The following FHDC1 variants were observed in gnomAD, a reference collection of about 807,000 sequenced individuals.
FHDC1 encodes the protein FH2 domain-containing protein 1.
FHDC1 carries 25 observed loss-of-function variants against 52.6 expected under a neutral mutation model. That is an observed-to-expected ratio of 0.48 (90% CI 0.35 to 0.66). The LOEUF is 0.66. FHDC1 is among the 30% of genes least tolerant of loss of function. The pLI, the probability that FHDC1 is intolerant of heterozygous loss-of-function variation, is 0.01. For synonymous variants in FHDC1, 616 were observed against 581.5 expected (o/e 1.06, Z -0.85); for missense variants, 1,459 against 1,452.8 (o/e 1.00, Z -0.07).
chr4:152,943,342 G>T lies in FHDC1; in HGVS notation c.285G>T (p.Lys95Asn). The T allele has an allele frequency of 6.7e-7, 1 of 1,492,644 alleles. No individual in the cohort carries two copies. Among genetic ancestry groups the T allele is most frequent in the Non-Finnish European group, 9.0e-7 (1 of 1,109,648 alleles). The allele number at this position is 1,492,644 out of a possible 1,614,324, so 92.5% of individuals were successfully genotyped here. The stretch of plus-strand genomic sequence containing the variant: ...GCTACAGCCACCTTGGTAAGAAAAA[G>T]CGGATGAGAAGCTTTTTTTGGAAAA... ...MNGYSHLGKK[K>N]RMRSFFWKTI... The change falls in exon 2 of 12, where the codon AAG becomes AAT. Residue 95 changes from lysine (K) to asparagine (N), a missense_variant. Lys to Asn is a moderately conservative substitution (Grantham distance 94). Coordinates refer to ENST00000511601, the MANE Select transcript of FHDC1 (RefSeq NM_001371116.1).
intron 2 of FHDC1, among the ~76,000 whole-genome samples, chr4:152,944,674 A>C (rs913285743): frequency 6.6e-6 from 1 of 152,144 alleles, no homozygotes; most frequent in Non-Finnish European, 1.5e-5. Flanking sequence ...AATAGCCAAG[A>C]GTCTGTTTTT....
upstream of FHDC1, among the ~76,000 whole-genome samples, chr4:152,931,699 T>A (rs533206361): frequency 2.0e-5 from 3 of 152,272 alleles, no homozygotes; most frequent in Admixed American, 6.5e-5. Flanking sequence ...AAGGCAAATG[T>A]CATTGATGCT....
upstream of FHDC1, among the ~76,000 whole-genome samples, chr4:152,933,729 C>CAAAAAAAAA (rs70949623): frequency 1.6e-5 from 1 of 60,806 alleles, no homozygotes. Context: ...GACCCCGTCT[C>CAAAAAAAAA]AAAAAAAAAA....
chr4:152,930,583 G>A, the FHDC1 span, among the ~76,000 whole-genome samples: 6 of 152,192 alleles, frequency 3.9e-5, no homozygotes, highest in African/African-American at 1.2e-4. Context: ...ATGATGCTAA[G>A]TGTTTGACAG....
rs1298032001 is a variant in FHDC1 at position 152,976,125 on chromosome 4, TGCGGAGGGCCTCCACAG to T, written c.2838_2854del (p.Ala948ArgfsTer45). On this transcript the variant is annotated frameshift_variant, in exon 12 of 12. Transcript: ENST00000511601. LOFTEE classifies it low-confidence loss of function (END_TRUNC). ...ACTGTGTGGTCACGCCAGAACTCCGTGCGGAGGGCCTCCACAGGCGCCGAAGAGCAGAGGCTGCCGCG... is the reference window on the plus strand; with the variant it reads ...ACTGTGTGGTCACGCCAGAACTCCGTGCGCCGAAGAGCAGAGGCTGCCGCG... The T allele has an allele frequency of 1.2e-6, 2 of 1,611,192 alleles. No individual in the cohort carries two copies. The highest frequency in any genetic ancestry group is 1.7e-6 in the Non-Finnish European group (2 of 1,179,158).
chr4:152,936,395 GC>G lies in FHDC1; in HGVS notation c.-144del. 6.6e-6 allele frequency: 1 copy of G among 152,320 alleles called. No homozygotes were observed. Among genetic ancestry groups the G allele is most frequent in the Middle Eastern group, 3.4e-3 (1 of 292 alleles). The allele number at this position is 152,320 out of a possible 1,614,324, so 9.4% of individuals were successfully genotyped here. A position where few individuals can be genotyped will look rare whatever the true frequency, so the allele number is the denominator to read the frequency against. ...AGCGGTCTGCGCGCCGGGAGCGGGG[GC>G]GCGCTGGCCGCGGGTGAGTGCGGGT... On this transcript the variant is annotated 5_prime_UTR_variant, in exon 1 of 12. Coordinates refer to ENST00000511601, the MANE Select transcript of FHDC1 (RefSeq NM_001371116.1).
upstream of FHDC1, among the ~76,000 whole-genome samples, chr4:152,932,480 T>C (rs1313717381): frequency 6.6e-6 from 1 of 152,154 alleles, no homozygotes; most frequent in African/African-American, 2.4e-5. Context: ...CAGTAACAAT[T>C]CTGCTGATTT....
At chr4:152,965,012 C>A (rs778969809) in intron 9 of FHDC1, 37 bp downstream of exon 9, 1 of 1,553,804 alleles carries the variant, frequency 6.4e-7, no homozygotes. Context: ...AGATTCTTTA[C>A]CTTTTTATGA....
chr4:152,942,959 GC>G lies in FHDC1; in HGVS notation c.-98del. 7.5e-7 allele frequency: 1 copy of G among 1,328,448 alleles called. No homozygotes were observed. 82.3% of individuals were successfully genotyped at this position (1,328,448 alleles called of 1,614,324 possible). A position where few individuals can be genotyped will look rare whatever the true frequency, so the allele number is the denominator to read the frequency against. ...AAGAGGACAGTTGCCCTTTATTCTG[GC>G]GGCAGATAGCAGCAGGTGAAAAAGT... On this transcript the variant is annotated 5_prime_UTR_variant, in exon 2 of 12. Transcript: ENST00000511601.
chr4:152,922,649 C>T, the FHDC1 span, among the ~76,000 whole-genome samples: 3 of 152,218 alleles, frequency 2.0e-5, no homozygotes, highest in South Asian at 4.2e-4. Flanking sequence ...CATCAAAAAG[C>T]TTATCCACCA....
intron 11 of FHDC1, among the ~76,000 whole-genome samples, 155 bp downstream of exon 11, chr4:152,972,696 T>C (rs1381258807): frequency 1.3e-4 from 20 of 152,210 alleles, no homozygotes; most frequent in Admixed American, 1.3e-3. Context: ...CGGCTGGGAT[T>C]GCTGGAAAGT....
intron 2 of FHDC1, among the ~76,000 whole-genome samples, chr4:152,948,485 C>T (rs1386938487): frequency 6.6e-6 from 1 of 151,922 alleles, no homozygotes; most frequent in Non-Finnish European, 1.5e-5. Flanking sequence ...ATGGAGTCTC[C>T]CTCTGTCACC....
the FHDC1 span, among the ~76,000 whole-genome samples, chr4:152,920,982 G>C: frequency 6.6e-6 from 1 of 151,894 alleles, no homozygotes; most frequent in Non-Finnish European, 1.5e-5. Context: ...TTCATGACAT[G>C]CTTGGACTTT....
rs2149953189 is a variant in FHDC1, at chr4:152,962,965, GTGTGTGTGTGTGTGTGTA to G, written c.922-54_922-37del. 18 of 1,504,062 alleles carry G rather than the reference GTGTGTGTGTGTGTGTGTA, an allele frequency of 1.2e-5. No homozygotes were observed. The African/African-American group carries it at 1.9e-4, about 16-fold the overall frequency. The allele number at this position is 1,504,062 out of a possible 1,614,324, so 93.2% of individuals were successfully genotyped here. On this transcript the variant is annotated intron_variant, in intron 7 of 11. Transcript: ENST00000511601. ...GGTGTGTGTGTGTGTGTGTGTGTGT[GTGTGTGTGTGTGTGTGTA>G]TGTATACATAATTTTTTCTTTTTGA...
the FHDC1 span, among the ~76,000 whole-genome samples, chr4:152,921,674 T>C: frequency 6.8e-6 from 1 of 147,636 alleles, no homozygotes. Flanking sequence ...TTCCATTAAC[T>C]GAACAATATT....
At chr4:152,923,069 A>T in the FHDC1 span, among the ~76,000 whole-genome samples, 6,935 of 151,542 alleles carry the variant, frequency 0.046, 199 homozygotes, top group South Asian at 0.11. Context: ...AGTCAAATTG[A>T]CCCTGTTTGC....
At chr4:152,926,833 ACAAG>A in the FHDC1 span, among the ~76,000 whole-genome samples, 1 of 152,178 alleles carries the variant, frequency 6.6e-6, no homozygotes, top group African/African-American at 2.4e-5. Flanking sequence ...AAAAATACAA[ACAAG>A]CAACAGTAAC....
At chr4:152,927,193 A>G in the FHDC1 span, among the ~76,000 whole-genome samples, 1 of 152,240 alleles carries the variant, frequency 6.6e-6, no homozygotes, top group Non-Finnish European at 1.5e-5. Context: ...ATCTCGACCA[A>G]GTTTTGGGAG....
chr4:152,927,297 A>G, the FHDC1 span: 14 of 628,942 alleles, frequency 2.2e-5, no homozygotes, highest in Middle Eastern at 4.2e-4. Context: ...ACCAAGCACC[A>G]ATAAGAAATT....
Sources: gnomAD v4.1 joint callset for allele counts (sites outside exome capture counted in the v4.1 genomes callset) on GRCh38, gnomAD v4.1.1 for gene constraint, MANE v1.5 for transcripts, NCBI Gene and HGNC (gene_info 2026-07-23, HGNC 2026-07-21) for gene names.